The following ZMYND11 variants were observed in gnomAD, a reference collection of about 807,000 sequenced individuals.
ZMYND11 encodes the protein zinc finger MYND-type containing 11, also known as zinc finger MYND domain-containing protein 11.
ZMYND11 carries 9 observed loss-of-function variants against 84.9 expected under a neutral mutation model. The ratio of observed to expected loss-of-function variants is 0.11; its 90% CI spans 0.06 to 0.18. The LOEUF is 0.18. ZMYND11 is among the 10% of genes least tolerant of loss of function. The probability of loss-of-function intolerance (pLI) is 1.00; values close to 1 mark genes in which losing one functional copy is unlikely to be tolerated. For missense variants in ZMYND11, 409 were observed against 761.0 expected (o/e 0.54, Z 5.44); for synonymous variants, 250 against 244.1 (o/e 1.02, Z -0.23).
At chr10:241,943 G>C in intron 9 of ZMYND11, 78 bp from the exon 10 acceptor site, 2 of 1,497,460 alleles carry the variant, frequency 1.3e-6, no homozygotes, top group South Asian at 2.4e-5. Flanking sequence ...GATTATATGT[G>C]ACTAGTTTAA....
Position 198,956 on chromosome 10 carries a change from G to A in ZMYND11, c.117-10933G>A, listed in dbSNP as rs1942443852. On this transcript the variant is annotated intron_variant, in intron 2 of 14. Transcript: ENST00000381604. ...TGCACACCAAGCTCTTTCCAGGTTA[G>A]CTTTAAGCAGAGTCTTTCAGGATCA... 2.0e-5 allele frequency among the ~76,000 whole-genome samples: 3 copies of A among 152,148 alleles called. No homozygotes were observed. In the South Asian group the frequency reaches 6.2e-4, roughly 32 times the overall value.
intron 2 of ZMYND11, among the ~76,000 whole-genome samples, chr10:208,112 G>A (rs1426489686): frequency 6.6e-6 from 1 of 152,154 alleles, no homozygotes; most frequent in East Asian, 1.9e-4. Context: ...AGCTGAAACT[G>A]GATCCCTTCC....
intron 2 of ZMYND11, among the ~76,000 whole-genome samples, chr10:194,247 C>T (rs532759006): frequency 7.9e-5 from 12 of 151,162 alleles, no homozygotes; most frequent in Non-Finnish European, 8.9e-5. Context: ...ACCTCAGCCT[C>T]CCAAAGTGCT....
In ZMYND11 at chr10:246,961, C is replaced by T. The variant is rs936489545; in HGVS notation, c.1146C>T (p.Thr382=). The T allele has an allele frequency of 6.2e-7, 1 of 1,605,738 alleles. No homozygotes were observed. The highest frequency in any genetic ancestry group is 1.7e-5 in the Admixed American group (1 of 58,778). ...EEEAESSISS[T]SNEQLKVTQE... is the part of the protein sequence containing the mutation. ...AGGCAGAATCCAGTATCTCCTCCAC[C>T]AGTAATGAGCAGGTGAGTGTGTCTC... The change falls in exon 11 of 15, where the codon ACC becomes ACT. Residue 382 remains threonine, a synonymous_variant. Transcript: ENST00000381604.
chr10:211,924 C>T (rs766718650), intron 3 of ZMYND11, among the ~76,000 whole-genome samples: 8 of 152,128 alleles, frequency 5.3e-5, no homozygotes, highest in Middle Eastern at 6.8e-3. Context: ...TTGTTGATAC[C>T]TTATTATATA....
chr10:199,476 A>G (rs1942621742), intron 2 of ZMYND11, among the ~76,000 whole-genome samples: 1 of 152,130 alleles, frequency 6.6e-6, no homozygotes, highest in Non-Finnish European at 1.5e-5. Flanking sequence ...TCGCCTAGGC[A>G]GAAATGCAGT....
rs376890891 is a variant in ZMYND11 at position 209,848 on chromosome 10, G to C, written c.117-41G>C. 8.1e-5 allele frequency: 127 copies of C among 1,570,158 alleles called. No homozygotes were observed. In the African/African-American group the frequency reaches 1.6e-3, roughly 19 times the overall value. On this transcript the variant is annotated intron_variant, in intron 2 of 14. Transcript: ENST00000381604. ...TATTTTCATTCATTTTTAGTTTTCAGTACTGAAAGATTTTTAAATTTGTTT... is the reference window on the plus strand; with the variant it reads ...TATTTTCATTCATTTTTAGTTTTCACTACTGAAAGATTTTTAAATTTGTTT...
intron 1 of ZMYND11, among the ~76,000 whole-genome samples, chr10:154,272 A>G (rs1169811022): frequency 6.6e-6 from 1 of 152,218 alleles, no homozygotes; most frequent in East Asian, 1.9e-4. Flanking sequence ...CCTGAACAAA[A>G]GCTCGTCTAA....
In ZMYND11 at chr10:240,129, A is replaced by G. The variant is rs1297303198; in HGVS notation, c.753+18A>G. On this transcript the variant is annotated intron_variant, in intron 8 of 14. Transcript: ENST00000381604. ...GTCATGAGGTACTATTCATTGCCCA[A>G]TAGTTATACTCTTTCTATAACTGAA... 3.2e-6 allele frequency: 5 copies of G among 1,576,000 alleles called. No homozygotes were observed. Among genetic ancestry groups the G allele is most frequent in the Non-Finnish European group, 4.3e-6 (5 of 1,154,056 alleles).
intron 1 of ZMYND11, among the ~76,000 whole-genome samples, chr10:138,753 G>GA (rs71505864): frequency 0.3 from 42,846 of 144,662 alleles, 6,551 homozygotes; most frequent in East Asian, 0.5. Flanking sequence ...ATGTATCTTG[G>GA]AAAAAAAAAA....
At chr10:163,705 A>G (rs1340446977) in intron 1 of ZMYND11, among the ~76,000 whole-genome samples, 1 of 151,508 alleles carries the variant, frequency 6.6e-6, no homozygotes, top group Non-Finnish European at 1.5e-5. Flanking sequence ...TGTTTGCCTG[A>G]TGTGTCCTCT....
At chr10:139,005 C>G (rs1378329064) in intron 1 of ZMYND11, among the ~76,000 whole-genome samples, 6 of 151,746 alleles carry the variant, frequency 4.0e-5, no homozygotes, top group Non-Finnish European at 8.8e-5. Flanking sequence ...GCTAATTTTT[C>G]TATTTCACCA....
chr10:136,361 CG>C (rs1554752183), intron 1 of ZMYND11, among the ~76,000 whole-genome samples: 1 of 152,166 alleles, frequency 6.6e-6, no homozygotes, highest in East Asian at 1.9e-4. Context: ...GAGTGACCGC[CG>C]TACCTGTTTT....
intron 9 of ZMYND11, 85 bp downstream of exon 9, chr10:241,055 C>G (rs543279112): frequency 8.9e-7 from 1 of 1,120,956 alleles, no homozygotes; most frequent in South Asian, 1.5e-5. Flanking sequence ...TAATTTTCTT[C>G]CTAAATTTTT....
At chr10:186,044 C>G (rs1328945244) in intron 2 of ZMYND11, among the ~76,000 whole-genome samples, 1 of 149,342 alleles carries the variant, frequency 6.7e-6, no homozygotes, top group Non-Finnish European at 1.5e-5. Flanking sequence ...GAGTCTGGCT[C>G]TTTCGCCCAG....
intron 2 of ZMYND11, among the ~76,000 whole-genome samples, chr10:207,871 G>A (rs1184273364): frequency 2.0e-4 from 30 of 152,148 alleles, no homozygotes. Context: ...AAAGCCAGAG[G>A]CATCACGCTA....
In ZMYND11 at chr10:252,237, G is replaced by C; in HGVS notation, c.1687-111G>C. On this transcript the variant is annotated intron_variant, in intron 14 of 14. Coordinates refer to ENST00000381604, the MANE Select transcript of ZMYND11 (RefSeq NM_001370100.5). The surrounding 1 kb of genome is among the most constrained non-coding windows in gnomAD (Gnocchi z 4.6). ...AAAACGTATTCAGATTCCACAAAAG[G>C]TTGAGCCAGAAAGATCTTTTAAAAG... 1.5e-6 allele frequency: 2 copies of C among 1,333,736 alleles called. No homozygotes were observed. Among genetic ancestry groups the C allele is most frequent in the African/African-American group, 1.5e-5 (1 of 67,876 alleles). The allele number at this position is 1,333,736 out of a possible 1,614,324, so 82.6% of individuals were successfully genotyped here. A position where few individuals can be genotyped will look rare whatever the true frequency, so the allele number is the denominator to read the frequency against.
chr10:165,186 G>C (rs992561402), intron 1 of ZMYND11, among the ~76,000 whole-genome samples: 6 of 152,060 alleles, frequency 3.9e-5, no homozygotes, highest in Non-Finnish European at 7.4e-5. Flanking sequence ...TCTTGCCAAA[G>C]TCACCAGTGA....
chr10:166,794 G>A (rs374766151), intron 1 of ZMYND11, among the ~76,000 whole-genome samples: 40 of 152,260 alleles, frequency 2.6e-4, no homozygotes, highest in Admixed American at 7.2e-4. Context: ...TTGTATGCCA[G>A]TGTTCACTGC....
Sources: allele counts gnomAD v4.1 joint callset (sites outside exome capture counted in the v4.1 genomes callset), GRCh38; gene constraint gnomAD v4.1.1; non-coding constraint Gnocchi (gnomAD v3.1); transcripts MANE v1.5; gene names NCBI Gene and HGNC (gene_info 2026-07-23, HGNC 2026-07-21).